The following WNT7A variants were observed in gnomAD, a reference collection of about 807,000 sequenced individuals.
The protein encoded by WNT7A is protein Wnt-7a.
A neutral mutation model predicts 28.2 loss-of-function variants in WNT7A; 16 were observed. The ratio of observed to expected loss-of-function variants is 0.57; its 90% CI spans 0.38 to 0.86. The LOEUF (loss-of-function observed/expected upper bound fraction) is 0.86. WNT7A is among the 40% of genes least tolerant of loss of function. The pLI is 0.00. For synonymous variants in WNT7A, 190 were observed against 195.9 expected, an observed-to-expected ratio of 0.97 and a Z score of 0.25; for missense variants, 411 against 489.7, an observed-to-expected ratio of 0.84 and a Z score of 1.52.
intron 3 of WNT7A, among the ~76,000 whole-genome samples, chr3:13,853,233 T>C (rs556952405): frequency 2.6e-5 from 4 of 152,100 alleles, no homozygotes. Flanking sequence ...TCGGTATGCT[T>C]AAAGTCTAGA....
At chr3:13,866,252 C>T (rs1694908496) in intron 2 of WNT7A, among the ~76,000 whole-genome samples, 1 of 152,222 alleles carries the variant, frequency 6.6e-6, no homozygotes, top group South Asian at 2.1e-4. Context: ...ACAGAGCTGC[C>T]TTCTGGCCAG....
At chr3:13,855,993 A>G (rs1455755857) in intron 2 of WNT7A, among the ~76,000 whole-genome samples, 1 of 151,894 alleles carries the variant, frequency 6.6e-6, no homozygotes, top group Non-Finnish European at 1.5e-5. Flanking sequence ...TTCCCCACCC[A>G]CCTTCTCATT....
chr3:13,860,435 T>C (rs1694810626), intron 2 of WNT7A, among the ~76,000 whole-genome samples: 1 of 152,220 alleles, frequency 6.6e-6, no homozygotes, highest in Non-Finnish European at 1.5e-5. Flanking sequence ...ATTCAGTTGT[T>C]ATCAATTAAA....
Position 13,879,999 on chromosome 3 carries a change from C to A in WNT7A, c.-183G>T. 2.5e-6 allele frequency: 1 copy of A among 400,974 alleles called. No homozygotes were observed. Among genetic ancestry groups the A allele is most frequent in the Non-Finnish European group, 4.3e-6 (1 of 233,024 alleles). The allele number at this position is 400,974 out of a possible 1,614,324, so 24.8% of individuals were successfully genotyped here. On this transcript the variant is annotated 5_prime_UTR_variant, in exon 1 of 4. Transcript: ENST00000285018. ...CGCCAGGAGCACGGGAGCCACGGAG[C>A]GGGAGGAGGGAGGGAGGAGCGAGCG...
At position 13,848,066 on chromosome 3, in the gene WNT7A, T is replaced by TAAA. The variant is rs541790932; in HGVS notation, c.570+6465_570+6466insTTT. ...TGATTTTTTTAAATTAATGAATTTT[T>TAAA]TAAAAAAAACAGGTCACAGAGTTAA... On this transcript the variant is annotated intron_variant, in intron 3 of 3. Transcript: ENST00000285018. 1.2e-3 allele frequency among the ~76,000 whole-genome samples: 164 copies of TAAA among 135,196 alleles called. 1 individual carries two copies. The highest frequency in any genetic ancestry group is 4.6e-3 in the African/African-American group (152 of 32,944). The allele number at this position is 135,196 out of a possible 152,430, so 88.7% of individuals were successfully genotyped here. A position where few individuals can be genotyped will look rare whatever the true frequency, so the allele number is the denominator to read the frequency against.
At chr3:13,836,949 T>G (rs1319024000) in intron 3 of WNT7A, among the ~76,000 whole-genome samples, 1 of 152,054 alleles carries the variant, frequency 6.6e-6, no homozygotes, top group Non-Finnish European at 1.5e-5. Context: ...AGTTGGGACC[T>G]GAAGGGAGGC....
At chr3:13,873,724 G>T (rs2124878668) in intron 2 of WNT7A, among the ~76,000 whole-genome samples, 1 of 152,322 alleles carries the variant, frequency 6.6e-6, no homozygotes, top group East Asian at 1.9e-4. Context: ...GCTTTGAGGT[G>T]AGAGGGGACT....
At chr3:13,852,101 C>T (rs1193795983) in intron 3 of WNT7A, among the ~76,000 whole-genome samples, 1 of 152,226 alleles carries the variant, frequency 6.6e-6, no homozygotes, top group Non-Finnish European at 1.5e-5. Flanking sequence ...CAGGACGCCC[C>T]TGCAGCATTT....
At chr3:13,848,637 A>C (rs189865467) in intron 3 of WNT7A, among the ~76,000 whole-genome samples, 7 of 152,352 alleles carry the variant, frequency 4.6e-5, no homozygotes. Flanking sequence ...GCTAGTGGGA[A>C]TATAAAATGA....
chr3:13,878,245 C>T (rs1695142461), intron 1 of WNT7A, among the ~76,000 whole-genome samples: 1 of 152,172 alleles, frequency 6.6e-6, no homozygotes, highest in East Asian at 1.9e-4. Context: ...CTGCTGTTTT[C>T]CCTTTCTGTC....
chr3:13,830,742 C>T (rs1694269325), intron 3 of WNT7A, among the ~76,000 whole-genome samples: 1 of 152,236 alleles, frequency 6.6e-6, no homozygotes, highest in African/African-American at 2.4e-5. Context: ...TCTCTACTAA[C>T]ACTGCCCTCC....
At chr3:13,875,283 C>G in intron 1 of WNT7A, 110 bp from the exon 2 acceptor site, 1 of 1,118,250 alleles carries the variant, frequency 8.9e-7, no homozygotes, top group Non-Finnish European at 1.3e-6. Context: ...CAGCAGTGGT[C>G]TCCCAACTTT....
intron 3 of WNT7A, among the ~76,000 whole-genome samples, chr3:13,836,357 C>A (rs1694371532): frequency 6.6e-6 from 1 of 152,222 alleles, no homozygotes. Context: ...ACAGCAGCAT[C>A]CGCACGCTCT....
At chr3:13,878,915 C>T (rs1011318808) in intron 1 of WNT7A, among the ~76,000 whole-genome samples, 2 of 152,184 alleles carry the variant, frequency 1.3e-5, no homozygotes, top group East Asian at 1.9e-4. Flanking sequence ...CCGAGCTGCC[C>T]CCTCCCACCT....
At chr3:13,840,811 G>GCATC (rs1328652480) in intron 3 of WNT7A, among the ~76,000 whole-genome samples, 1 of 151,100 alleles carries the variant, frequency 6.6e-6, no homozygotes, top group Non-Finnish European at 1.5e-5. Context: ...ATGCATGCAT[G>GCATC]CATCCATCCA....
rs549369381 is a variant in WNT7A, at chr3:13,847,227, C to T, written c.570+7305G>A. On this transcript the variant is annotated intron_variant, in intron 3 of 3. Coordinates refer to ENST00000285018, the MANE Select transcript of WNT7A (RefSeq NM_004625.4). ...AGCTTCCTCTCTGGTCTAGTCTGGGCTCCTTTCTCTAGGCCCAGACACCCT... is the reference window on the plus strand; with the variant it reads ...AGCTTCCTCTCTGGTCTAGTCTGGGTTCCTTTCTCTAGGCCCAGACACCCT... Among the ~76,000 whole-genome samples, 118 of 152,312 alleles carry T rather than the reference C, an allele frequency of 7.7e-4. 1 individual carries two copies. The highest frequency in any genetic ancestry group is 1.3e-3 in the Non-Finnish European group (89 of 68,026).
intron 3 of WNT7A, among the ~76,000 whole-genome samples, chr3:13,832,188 T>C (rs1469290684): frequency 3.7e-5 from 5 of 133,338 alleles, no homozygotes; most frequent in African/African-American, 1.4e-4. Context: ...CCTCCTGCTC[T>C]TCCTCCTGCT....
chr3:13,874,833 T>G, intron 2 of WNT7A, 114 bp downstream of exon 2: 1 of 1,083,868 alleles, frequency 9.2e-7, no homozygotes, highest in Non-Finnish European at 1.4e-6. Context: ...CAGGACCCCA[T>G]ACTGAGGGAT....
At chr3:13,851,375 C>T (rs1477343048) in intron 3 of WNT7A, among the ~76,000 whole-genome samples, 1 of 152,250 alleles carries the variant, frequency 6.6e-6, no homozygotes, top group Non-Finnish European at 1.5e-5. Flanking sequence ...CCACAGCATG[C>T]TGTTAGGACT....
Sources: gnomAD v4.1 joint callset for allele counts (sites outside exome capture counted in the v4.1 genomes callset) on GRCh38, gnomAD v4.1.1 for gene constraint, MANE v1.5 for transcripts, NCBI Gene and HGNC (gene_info 2026-07-23, HGNC 2026-07-21) for gene names.